WDR27: variants seen among roughly 807,000 people sequenced by gnomAD.
WDR27 encodes the protein WD repeat domain 27.
A neutral mutation model predicts 114.4 loss-of-function variants in WDR27; 100 were observed. The ratio of observed to expected loss-of-function variants is 0.87; its 90% CI spans 0.74 to 1.03. WDR27 has a LOEUF of 1.03. WDR27 is among the 50% of genes least tolerant of loss of function. The probability of loss-of-function intolerance (pLI) is 0.00; values close to 1 mark genes in which losing one functional copy is unlikely to be tolerated. For synonymous variants in WDR27, 449 were observed against 423.1 expected, an observed-to-expected ratio of 1.06 and a Z score of -0.75; for missense variants, 1,129 against 1,092.9, an observed-to-expected ratio of 1.03 and a Z score of -0.47.
intron 19 of WDR27, among the ~76,000 whole-genome samples, 168 bp from the exon 20 acceptor site, chr6:169,634,693 A>AG (rs1817241847): frequency 6.6e-6 from 1 of 152,196 alleles, no homozygotes; most frequent in South Asian, 2.1e-4. Context: ...ATTTTTCTTT[A>AG]GGAAAAAAAA....
At chr6:169,592,095 G>C (rs1249765028) in intron 23 of WDR27, among the ~76,000 whole-genome samples, 1 of 152,070 alleles carries the variant, frequency 6.6e-6, no homozygotes, top group Admixed American at 6.6e-5. Context: ...AATTCGAAAG[G>C]CTTTCCAACA....
intron 25 of WDR27, among the ~76,000 whole-genome samples, chr6:169,517,820 T>G (rs1435701476): frequency 2.6e-5 from 4 of 152,240 alleles, no homozygotes; most frequent in Admixed American, 2.0e-4. Context: ...AGAAATCAAC[T>G]GATAATCTTG....
intron 25 of WDR27, among the ~76,000 whole-genome samples, chr6:169,556,297 T>C (rs1437077814): frequency 6.6e-6 from 1 of 152,138 alleles, no homozygotes; most frequent in Non-Finnish European, 1.5e-5. Flanking sequence ...TGCAAGCAGA[T>C]CTGTCCCCAG....
chr6:169,560,826 T>G (rs562936759), intron 25 of WDR27, among the ~76,000 whole-genome samples: 74 of 152,220 alleles, frequency 4.9e-4, no homozygotes, highest in African/African-American at 1.7e-3. Context: ...TCACACCATA[T>G]CAATCCACTC....
intron 23 of WDR27, among the ~76,000 whole-genome samples, chr6:169,587,391 G>A (rs1804869785): frequency 6.6e-6 from 1 of 151,892 alleles, no homozygotes; most frequent in South Asian, 2.1e-4. Context: ...GCTAGTTTTT[G>A]TATTTTTAAT....
rs913447789 is a variant in WDR27, at chr6:169,484,572, A to G, written c.2646-26938T>C. Among the ~76,000 whole-genome samples the G allele has an allele frequency of 2.6e-5, 4 of 152,358 alleles. No individual in the cohort carries two copies. The South Asian group carries it at 6.2e-4, about 24-fold the overall frequency. Reference sequence around the variant, plus strand: ...CCATGCTCATGGATAGGAAGAATCAATATCATTAAAATGGCCATACTGCCT... The same window carrying G: ...CCATGCTCATGGATAGGAAGAATCAGTATCATTAAAATGGCCATACTGCCT... On this transcript the variant is annotated intron_variant, in intron 25 of 25. Transcript: ENST00000448612.
At chr6:169,459,035 T>G (rs1018239652) in intron 25 of WDR27, among the ~76,000 whole-genome samples, 1 of 152,088 alleles carries the variant, frequency 6.6e-6, no homozygotes, top group African/African-American at 2.4e-5. Flanking sequence ...ACTGTCAAGT[T>G]TTCAATTAAA....
the WDR27 span, among the ~76,000 whole-genome samples, chr6:169,447,478 AC>A: frequency 1.3e-4 from 20 of 152,208 alleles, no homozygotes; most frequent in Non-Finnish European, 2.1e-4. Context: ...CAAAGCAATA[AC>A]GACTTGGATT....
chr6:169,576,789 G>GA (rs1326349160), intron 24 of WDR27, among the ~76,000 whole-genome samples: 3 of 148,710 alleles, frequency 2.0e-5, no homozygotes, highest in East Asian at 2.0e-4. Flanking sequence ...GACAAGAAAA[G>GA]AAAAAAAAGG....
At chr6:169,521,055 G>A (rs753085956) in intron 25 of WDR27, among the ~76,000 whole-genome samples, 42 of 152,002 alleles carry the variant, frequency 2.8e-4, no homozygotes, top group Non-Finnish European at 1.6e-4. Context: ...ACATCAAACC[G>A]ATTTCACTCA....
chr6:169,430,662 C>T, the WDR27 span, among the ~76,000 whole-genome samples: 3 of 152,216 alleles, frequency 2.0e-5, no homozygotes, highest in Non-Finnish European at 4.4e-5. Context: ...AACGAGGCTC[C>T]ACTTGTCAGG....
At position 169,574,286 on chromosome 6, in the gene WDR27, T is replaced by G. The variant is rs561869772; in HGVS notation, c.2524-1746A>C. 2.6e-5 allele frequency among the ~76,000 whole-genome samples: 4 copies of G among 152,364 alleles called. No homozygotes were observed. In the South Asian group the frequency reaches 8.3e-4, roughly 32 times the overall value. On this transcript the variant is annotated intron_variant, in intron 24 of 25. Transcript: ENST00000448612. Reference sequence around the variant, plus strand: ...TGTAAGTACAAGTATAATCCTCTTCTTCCCAAAGACTCACAAGTCTTATTT... The same window carrying G: ...TGTAAGTACAAGTATAATCCTCTTCGTCCCAAAGACTCACAAGTCTTATTT...
intron 24 of WDR27, among the ~76,000 whole-genome samples, chr6:169,577,859 C>T (rs945190237): frequency 2.6e-5 from 4 of 152,216 alleles, no homozygotes; most frequent in African/African-American, 9.7e-5. Context: ...TACCCTCCAA[C>T]TCTTACCCCA....
At chr6:169,459,002 G>A (rs1384837370) in intron 25 of WDR27, among the ~76,000 whole-genome samples, 3 of 151,940 alleles carry the variant, frequency 2.0e-5, no homozygotes, top group Non-Finnish European at 4.4e-5. Flanking sequence ...CTTTACTTCA[G>A]AATTATCACA....
At chr6:169,632,746 G>A (rs888929032) in intron 21 of WDR27, among the ~76,000 whole-genome samples, 9 of 152,122 alleles carry the variant, frequency 5.9e-5, no homozygotes, top group Non-Finnish European at 8.8e-5. Context: ...AAACACAAAC[G>A]TAGAAAACTT....
intron 22 of WDR27, among the ~76,000 whole-genome samples, chr6:169,612,653 A>AG (rs1810858534): frequency 2.0e-5 from 3 of 150,876 alleles, no homozygotes; most frequent in African/African-American, 4.9e-5. Flanking sequence ...AAAAAAAAAA[A>AG]GCAATGTCTT....
chr6:169,440,839 C>T, the WDR27 span, among the ~76,000 whole-genome samples: 1 of 152,182 alleles, frequency 6.6e-6, no homozygotes, highest in African/African-American at 2.4e-5. Context: ...TCATCTTAAT[C>T]ATGAAATGCT....
chr6:169,541,886 A>C (rs1796891726), intron 25 of WDR27, among the ~76,000 whole-genome samples: 1 of 152,208 alleles, frequency 6.6e-6, no homozygotes, highest in Non-Finnish European at 1.5e-5. Context: ...TTAATGAATG[A>C]CTATTTCTAG....
intron 15 of WDR27, 23 bp from the exon 16 acceptor site, chr6:169,647,893 G>A (rs542981033): frequency 2.3e-5 from 34 of 1,497,754 alleles, no homozygotes; most frequent in African/African-American, 1.8e-4. Flanking sequence ...CACAGGTAAC[G>A]GTGATCGGGA....
Sources: gnomAD v4.1 joint callset for allele counts (sites outside exome capture counted in the v4.1 genomes callset) on GRCh38, gnomAD v4.1.1 for gene constraint, MANE v1.5 for transcripts, NCBI Gene and HGNC (gene_info 2026-07-23, HGNC 2026-07-21) for gene names.